Variants in RPS6KC1 observed in about 807,000 individuals in gnomAD.
RPS6KC1 encodes ribosomal protein S6 kinase C1, also known as inactive ribosomal protein S6 kinase delta-1.
A neutral mutation model predicts 103.8 loss-of-function variants in RPS6KC1; 54 were observed. The observed-to-expected ratio is 0.52, with a 90% confidence interval of 0.42 to 0.65. The LOEUF (loss-of-function observed/expected upper bound fraction) is 0.65. Among genes scored for constraint, RPS6KC1 ranks in the 30% least tolerant of loss-of-function variants. RPS6KC1 has a pLI of 0.00. For synonymous variants in RPS6KC1, 439 were observed against 438.7 expected (o/e 1.00, Z -0.01); for missense variants, 1,151 against 1,253.8 (o/e 0.92, Z 1.24).
At chr1:213,121,494 C>T (rs1199124401) in intron 5 of RPS6KC1, among the ~76,000 whole-genome samples, 2 of 152,128 alleles carry the variant, frequency 1.3e-5, no homozygotes, top group Non-Finnish European at 2.9e-5. Flanking sequence ...TAATTGGTTG[C>T]TAACATCTTA....
chr1:213,117,449 AT>A, intron 5 of RPS6KC1, 39 bp downstream of exon 5: 1 of 1,169,400 alleles, frequency 8.6e-7, no homozygotes, highest in Non-Finnish European at 1.3e-6. Flanking sequence ...AAAGGTTTGG[AT>A]TACAGAAGAC....
the RPS6KC1 span, among the ~76,000 whole-genome samples, chr1:213,515,356 T>G: frequency 0.94 from 142,829 of 152,300 alleles, 67,085 homozygotes; most frequent in East Asian, 1. Flanking sequence ...GGTTTTTACG[T>G]TGTTAGGTCT....
At chr1:213,244,515 A>C (rs571569871) in intron 12 of RPS6KC1, among the ~76,000 whole-genome samples, 1 of 152,098 alleles carries the variant, frequency 6.6e-6, no homozygotes, top group South Asian at 2.1e-4. Context: ...ACTTATTGGA[A>C]ACTATCTGTA....
the RPS6KC1 span, among the ~76,000 whole-genome samples, chr1:213,415,720 A>G: frequency 6.6e-6 from 1 of 151,952 alleles, no homozygotes; most frequent in Non-Finnish European, 1.5e-5. Context: ...AATCCCTGGG[A>G]CCCCTCCCTA....
intron 5 of RPS6KC1, among the ~76,000 whole-genome samples, chr1:213,126,922 C>T (rs566181838): frequency 2.2e-4 from 33 of 152,266 alleles, no homozygotes; most frequent in African/African-American, 6.0e-4. Flanking sequence ...GATCCCTGAT[C>T]TAGAATTGTA....
At chr1:213,094,457 C>A (rs766775024) in intron 3 of RPS6KC1, among the ~76,000 whole-genome samples, 11 of 146,310 alleles carry the variant, frequency 7.5e-5, no homozygotes, top group Non-Finnish European at 1.4e-4. Context: ...TATTTTTTTT[C>A]TTTTTGATTT....
At chr1:213,324,593 CTTTTTTTTTTTTT>C in the RPS6KC1 span, among the ~76,000 whole-genome samples, 5 of 81,824 alleles carry the variant, frequency 6.1e-5, no homozygotes, top group South Asian at 5.2e-4. Flanking sequence ...GCTCGATATG[CTTTTTTTTTTTTT>C]TTTTTTTTTT....
chr1:213,568,223 G>C, the RPS6KC1 span, among the ~76,000 whole-genome samples: 1 of 152,208 alleles, frequency 6.6e-6, no homozygotes, highest in African/African-American at 2.4e-5. Flanking sequence ...CTAGGATAAG[G>C]TATTTCCTGG....
At chr1:213,820,148 G>A in the RPS6KC1 span, 7 of 152,220 alleles carry the variant, frequency 4.6e-5, no homozygotes, top group Non-Finnish European at 1.0e-4. Flanking sequence ...CTCATCGCCA[G>A]CCATGAACAG....
intron 4 of RPS6KC1, among the ~76,000 whole-genome samples, chr1:213,108,982 A>T (rs1452649880): frequency 1.3e-5 from 2 of 152,038 alleles, no homozygotes; most frequent in Non-Finnish European, 2.9e-5. Context: ...AAAATCCTTC[A>T]GTTTGATGCT....
At chr1:213,698,084 G>T in the RPS6KC1 span, among the ~76,000 whole-genome samples, 1 of 152,148 alleles carries the variant, frequency 6.6e-6, no homozygotes, top group Admixed American at 6.5e-5. Context: ...TCAACTTTAT[G>T]ATGGGTTTAT....
In RPS6KC1 at chr1:213,237,554, A is replaced by G. The variant is rs574455531; in HGVS notation, c.1226-3148A>G. 8.5e-5 allele frequency among the ~76,000 whole-genome samples: 13 copies of G among 152,162 alleles called. 1 individual carries two copies. In the South Asian group the frequency reaches 2.5e-3, roughly 29 times the overall value. On this transcript the variant is annotated intron_variant, in intron 10 of 14. Coordinates refer to ENST00000366960, the MANE Select transcript of RPS6KC1 (RefSeq NM_012424.6). The stretch of plus-strand genomic sequence containing the variant: ...GTTGTATTTTTTGAGAATTATATGT[A>G]GGACAGATTTTTTTCAAGTTGAATT...
the RPS6KC1 span, among the ~76,000 whole-genome samples, chr1:213,766,193 C>T: frequency 0.016 from 2,400 of 152,268 alleles, 74 homozygotes; most frequent in Admixed American, 0.077. Flanking sequence ...AGAAGCCCAG[C>T]GTTTGACCAA....
At chr1:213,202,388 A>T (rs2093195847) in intron 8 of RPS6KC1, among the ~76,000 whole-genome samples, 1 of 67,916 alleles carries the variant, frequency 1.5e-5, no homozygotes, top group African/African-American at 1.1e-4. Flanking sequence ...AGGCAGGTGG[A>T]TCACTTTTGA....
intron 12 of RPS6KC1, among the ~76,000 whole-genome samples, chr1:213,257,315 C>T (rs12124957): frequency 9.9e-5 from 15 of 152,120 alleles, no homozygotes; most frequent in Non-Finnish European, 1.6e-4. Context: ...TGTTAGCCAT[C>T]GATTAGACAG....
the RPS6KC1 span, among the ~76,000 whole-genome samples, chr1:213,310,047 A>T: frequency 5.1e-4 from 77 of 152,088 alleles, 1 homozygote; most frequent in Non-Finnish European, 8.7e-4. Flanking sequence ...CCCTCTTTCA[A>T]TGTATACCTG....
At chr1:213,341,224 A>G in the RPS6KC1 span, among the ~76,000 whole-genome samples, 1 of 152,182 alleles carries the variant, frequency 6.6e-6, no homozygotes, top group Non-Finnish European at 1.5e-5. Context: ...CAAGCTGCCT[A>G]TACCACCTTC....
At chr1:213,353,478 G>A in the RPS6KC1 span, among the ~76,000 whole-genome samples, 1 of 152,248 alleles carries the variant, frequency 6.6e-6, no homozygotes, top group South Asian at 2.1e-4. Flanking sequence ...TGCTGAAACA[G>A]AGATTCTAAC....
At chr1:213,174,594 CG>C in intron 7 of RPS6KC1, among the ~76,000 whole-genome samples, 1 of 146,874 alleles carries the variant, frequency 6.8e-6, no homozygotes, top group South Asian at 2.2e-4. Context: ...TGCTTGAACC[CG>C]GGAGGCAGAG....
Sources: allele counts gnomAD v4.1 joint callset (sites outside exome capture counted in the v4.1 genomes callset), GRCh38; gene constraint gnomAD v4.1.1; transcripts MANE v1.5; gene names NCBI Gene and HGNC (gene_info 2026-07-23, HGNC 2026-07-21).